The following ATAD2B variants were observed in gnomAD, a reference collection of about 807,000 sequenced individuals.
ATAD2B encodes ATPase family AAA domain containing 2B.
ATAD2B carries 40 observed loss-of-function variants against 167.6 expected under a neutral mutation model. That is an observed-to-expected ratio of 0.24 (90% CI 0.19 to 0.31). The LOEUF (loss-of-function observed/expected upper bound fraction) is 0.31. ATAD2B is among the 10% of genes least tolerant of loss of function. The pLI, the probability that ATAD2B is intolerant of heterozygous loss-of-function variation, is 1.00. For missense variants in ATAD2B, 1,242 were observed against 1,757.2 expected, an observed-to-expected ratio of 0.71 and a Z score of 5.24; for synonymous variants, 579 against 596.5, an observed-to-expected ratio of 0.97 and a Z score of 0.43.
At chr2:23,868,544 G>T (rs1695472755) in intron 9 of ATAD2B, among the ~76,000 whole-genome samples, 1 of 152,034 alleles carries the variant, frequency 6.6e-6, no homozygotes, top group African/African-American at 2.4e-5. Context: ...CAAAATGCTG[G>T]GATTACAGGC....
At chr2:23,742,448 G>C in the ATAD2B span, among the ~76,000 whole-genome samples, 1 of 150,776 alleles carries the variant, frequency 6.6e-6, no homozygotes, top group East Asian at 2.0e-4. Flanking sequence ...GCAAACCATC[G>C]CAAGGACAAA....
chr2:23,881,712 T>C (rs989700847), intron 6 of ATAD2B, among the ~76,000 whole-genome samples: 2 of 151,898 alleles, frequency 1.3e-5, no homozygotes, highest in African/African-American at 4.8e-5. Flanking sequence ...ATAATGTACA[T>C]AAATCCTAAA....
chr2:23,701,896 G>A, the ATAD2B span, among the ~76,000 whole-genome samples: 2 of 149,802 alleles, frequency 1.3e-5, no homozygotes, highest in Non-Finnish European at 3.0e-5. Flanking sequence ...TGCCTCCCAG[G>A]TTCAAGCAGT....
intron 13 of ATAD2B, among the ~76,000 whole-genome samples, chr2:23,842,286 TAATG>T (rs1055009135): frequency 2.4e-4 from 36 of 152,302 alleles, no homozygotes; most frequent in Middle Eastern, 3.4e-3. Context: ...TCTATTTTAC[TAATG>T]ATTACTCTAG....
intron 14 of ATAD2B, among the ~76,000 whole-genome samples, chr2:23,830,663 G>A (rs1248439616): frequency 6.6e-6 from 1 of 152,022 alleles, no homozygotes; most frequent in Non-Finnish European, 1.5e-5. Flanking sequence ...TTAAAGCAAT[G>A]ATATGACACT....
chr2:23,790,679 C>T (rs1558536845), intron 19 of ATAD2B, among the ~76,000 whole-genome samples: 1 of 152,158 alleles, frequency 6.6e-6, no homozygotes, highest in South Asian at 2.1e-4. Context: ...TTCCATAATT[C>T]CCAGAACAAA....
At chr2:23,886,348 A>G (rs1166095866) in intron 4 of ATAD2B, among the ~76,000 whole-genome samples, 1 of 152,184 alleles carries the variant, frequency 6.6e-6, no homozygotes, top group East Asian at 1.9e-4. Context: ...CATTAAAATA[A>G]AACTTTTTAA....
chr2:23,781,108 A>G (rs1235899082), intron 22 of ATAD2B, among the ~76,000 whole-genome samples: 2 of 151,902 alleles, frequency 1.3e-5, no homozygotes, highest in Admixed American at 6.6e-5. Flanking sequence ...GCGTACTACA[A>G]TTAAACATAA....
At chr2:23,739,413 A>G in the ATAD2B span, among the ~76,000 whole-genome samples, 3 of 152,180 alleles carry the variant, frequency 2.0e-5, no homozygotes, top group Non-Finnish European at 2.9e-5. Flanking sequence ...AAACCACTCA[A>G]CTACATGGAA....
intron 1 of ATAD2B, among the ~76,000 whole-genome samples, chr2:23,906,883 T>C (rs1008667091): frequency 6.6e-6 from 1 of 151,634 alleles, no homozygotes. Flanking sequence ...ATTATCTCAA[T>C]AGATGCAGAA....
intron 25 of ATAD2B, among the ~76,000 whole-genome samples, chr2:23,756,493 C>A (rs1675965407): frequency 6.6e-6 from 1 of 152,112 alleles, no homozygotes; most frequent in Admixed American, 6.6e-5. Flanking sequence ...GGATAGCCTC[C>A]TATAAGAGTA....
chr2:23,680,215 A>C, the ATAD2B span, among the ~76,000 whole-genome samples: 4,973 of 152,096 alleles, frequency 0.033, 101 homozygotes, highest in South Asian at 0.086. The surrounding 1 kb of genome is among the most constrained non-coding windows in gnomAD (Gnocchi z 4.1). Context: ...GGATCCTGAG[A>C]ATTCTAGGAG....
At chr2:23,848,908 C>T (rs1692109462) in intron 13 of ATAD2B, among the ~76,000 whole-genome samples, 1 of 152,032 alleles carries the variant, frequency 6.6e-6, no homozygotes, top group African/African-American at 2.4e-5. Flanking sequence ...TTAAAACCTT[C>T]CAAGTTTTAC....
chr2:23,796,585 A>G (rs756859275), intron 19 of ATAD2B, among the ~76,000 whole-genome samples: 1 of 152,190 alleles, frequency 6.6e-6, no homozygotes, highest in Non-Finnish European at 1.5e-5. Flanking sequence ...TATATTCCCA[A>G]CTAGAACCCT....
chr2:23,786,645 T>C (rs950015346), intron 20 of ATAD2B, among the ~76,000 whole-genome samples: 1 of 152,152 alleles, frequency 6.6e-6, no homozygotes, highest in Non-Finnish European at 1.5e-5. Context: ...AACGTCATTA[T>C]GCAGCGCATG....
At chr2:23,715,719 T>C in the ATAD2B span, among the ~76,000 whole-genome samples, 1 of 141,922 alleles carries the variant, frequency 7.0e-6, no homozygotes, top group African/African-American at 2.5e-5. Context: ...TTTCTGTGGT[T>C]AAATACTGAA....
At chr2:23,824,569 T>C (rs1232674981) in intron 15 of ATAD2B, among the ~76,000 whole-genome samples, 1 of 152,208 alleles carries the variant, frequency 6.6e-6, no homozygotes, top group African/African-American at 2.4e-5. Context: ...ATAAGAACAT[T>C]AAAAATATTT....
In ATAD2B at chr2:23,751,049, C is replaced by T. The variant is rs1427483541; in HGVS notation, c.*997G>A. ...TTTAAAACAAAACAACAATTTACTA[C>T]ATATGAAAACCATTTTTCTCTGGGA... On this transcript the variant is annotated 3_prime_UTR_variant, in exon 28 of 28. Transcript: ENST00000238789. 6.6e-6 allele frequency: 1 copy of T among 152,114 alleles called. No homozygotes were observed. Among genetic ancestry groups the T allele is most frequent in the Non-Finnish European group, 1.5e-5 (1 of 68,006 alleles). The allele number at this position is 152,114 out of a possible 1,614,324, so 9.4% of individuals were successfully genotyped here.
At chr2:23,913,636 T>C (rs1322779223) in intron 1 of ATAD2B, among the ~76,000 whole-genome samples, 2 of 144,896 alleles carry the variant, frequency 1.4e-5, no homozygotes, top group Non-Finnish European at 3.1e-5. Flanking sequence ...CGAGACTCTC[T>C]TGAGAAAAAA....
Sources: allele counts gnomAD v4.1 joint callset (sites outside exome capture counted in the v4.1 genomes callset), GRCh38; gene constraint gnomAD v4.1.1; non-coding constraint Gnocchi (gnomAD v3.1); transcripts MANE v1.5; gene names NCBI Gene and HGNC (gene_info 2026-07-23, HGNC 2026-07-21).